Variants in PDE3A observed in about 807,000 individuals in gnomAD.
PDE3A encodes phosphodiesterase 3A.
PDE3A carries 43 observed loss-of-function variants against 98.3 expected under a neutral mutation model. That is an observed-to-expected ratio of 0.44 (90% CI 0.34 to 0.56). The LOEUF (loss-of-function observed/expected upper bound fraction) is 0.56. Among genes scored for constraint, PDE3A ranks in the 20% least tolerant of loss-of-function variants. The probability of loss-of-function intolerance (pLI) is 0.01; values close to 1 mark genes in which losing one functional copy is unlikely to be tolerated. For missense variants in PDE3A, 1,427 were observed against 1,440.7 expected (o/e 0.99, Z 0.15); for synonymous variants, 663 against 567.9 (o/e 1.17, Z -2.38).
At chr12:20,586,797 T>TA (rs1040027819) in intron 2 of PDE3A, among the ~76,000 whole-genome samples, 19 of 152,362 alleles carry the variant, frequency 1.2e-4, no homozygotes, top group Admixed American at 3.3e-4. Context: ...GCTTAGTACT[T>TA]ACTACTTAGC....
At chr12:20,612,720 A>T (rs1348639431) in intron 2 of PDE3A, among the ~76,000 whole-genome samples, 1 of 7,774 alleles carries the variant, frequency 1.3e-4, no homozygotes, top group Non-Finnish European at 2.9e-4. Context: ...TATAAGTAAT[A>T]AACTATATGT....
chr12:20,533,466 C>A (rs995186153), intron 1 of PDE3A, among the ~76,000 whole-genome samples: 1 of 142,832 alleles, frequency 7.0e-6, no homozygotes, highest in East Asian at 2.0e-4. Context: ...CTGTGATACC[C>A]AGTTTCTTTT....
chr12:20,561,211 T>C (rs759368045), intron 2 of PDE3A, among the ~76,000 whole-genome samples: 53 of 152,018 alleles, frequency 3.5e-4, no homozygotes, highest in Admixed American at 9.2e-4. Flanking sequence ...TGAGCCAAGA[T>C]TGCGCCGCTG....
chr12:20,552,453 A>G lies in PDE3A; in HGVS notation c.961-4207A>G, dbSNP rs1592049739. ...AGCTGGGGCTGACCATGCAGTATCC[A>G]GAAGGCTACCTGGAAGCCCTGGCCA... On this transcript the variant is annotated intron_variant, in intron 1 of 15. Coordinates refer to ENST00000359062, the MANE Select transcript of PDE3A (RefSeq NM_000921.5). The surrounding 1 kb of genome is among the most constrained non-coding windows in gnomAD (Gnocchi z 5.1). 1.2e-6 allele frequency: 2 copies of G among 1,612,870 alleles called. No individual in the cohort carries two copies. The highest frequency in any genetic ancestry group is 1.7e-6 in the Non-Finnish European group (2 of 1,179,780).
At chr12:20,631,700 ATT>A (rs58133440) in intron 6 of PDE3A, among the ~76,000 whole-genome samples, 8 of 116,878 alleles carry the variant, frequency 6.8e-5, no homozygotes, top group African/African-American at 1.8e-4. Flanking sequence ...ATCATAGTGT[ATT>A]TTTTTTTTTT....
intron 1 of PDE3A, among the ~76,000 whole-genome samples, chr12:20,480,901 T>A (rs1008059286): frequency 2.0e-5 from 3 of 152,226 alleles, no homozygotes; most frequent in African/African-American, 7.2e-5. Flanking sequence ...GGAGAAATTG[T>A]CTTCATTGAC....
intron 1 of PDE3A, among the ~76,000 whole-genome samples, chr12:20,518,841 T>A (rs1946369911): frequency 6.6e-6 from 1 of 152,196 alleles, no homozygotes; most frequent in Non-Finnish European, 1.5e-5. Flanking sequence ...ACTGATGGAT[T>A]TTTTTATAGC....
At chr12:20,472,801 A>G (rs1340295237) in intron 1 of PDE3A, among the ~76,000 whole-genome samples, 1 of 152,202 alleles carries the variant, frequency 6.6e-6, no homozygotes, top group Non-Finnish European at 1.5e-5. Context: ...AAATGTTGGA[A>G]AAGTAAACAG....
At chr12:20,408,201 G>A (rs1184033516) in intron 1 of PDE3A, among the ~76,000 whole-genome samples, 2 of 152,146 alleles carry the variant, frequency 1.3e-5, no homozygotes, top group East Asian at 3.8e-4. Flanking sequence ...TTACAGGCGT[G>A]AGCCACCATG....
At chr12:20,529,105 G>A (rs1946577544) in intron 1 of PDE3A, among the ~76,000 whole-genome samples, 1 of 152,070 alleles carries the variant, frequency 6.6e-6, no homozygotes, top group Non-Finnish European at 1.5e-5. Context: ...TTATCTAATT[G>A]AGGAGTCCCA....
chr12:20,384,558 A>G (rs1943716439), intron 1 of PDE3A, among the ~76,000 whole-genome samples: 1 of 151,980 alleles, frequency 6.6e-6, no homozygotes, highest in Non-Finnish European at 1.5e-5. Flanking sequence ...TCCAGAATAC[A>G]TGTGCAGGAT....
chr12:20,423,953 G>A (rs1944564055), intron 1 of PDE3A, among the ~76,000 whole-genome samples: 1 of 152,168 alleles, frequency 6.6e-6, no homozygotes, highest in African/African-American at 2.4e-5. Flanking sequence ...AACCAAGTGA[G>A]CAATAACTAG....
At chr12:20,636,830 G>A (rs895756932) in intron 8 of PDE3A, among the ~76,000 whole-genome samples, 8 of 152,158 alleles carry the variant, frequency 5.3e-5, no homozygotes, top group Non-Finnish European at 8.8e-5. Context: ...AGAAACATCC[G>A]TGTTTTTGCT....
chr12:20,648,615 G>T, intron 12 of PDE3A, 73 bp from the exon 13 acceptor site: 1 of 933,514 alleles, frequency 1.1e-6, no homozygotes, highest in African/African-American at 1.6e-5. Flanking sequence ...AATTTCAAAA[G>T]CATTGCATAT....
At chr12:20,398,085 T>G (rs1426550445) in intron 1 of PDE3A, among the ~76,000 whole-genome samples, 2 of 150,422 alleles carry the variant, frequency 1.3e-5, no homozygotes, top group East Asian at 3.9e-4. Context: ...AATCACCATC[T>G]GATTCAGTCT....
Position 20,552,576 on chromosome 12 carries a change from G to T in PDE3A, c.961-4084G>T. 6.2e-7 allele frequency: 1 copy of T among 1,613,824 alleles called. No individual in the cohort carries two copies. Among genetic ancestry groups the T allele is most frequent in the South Asian group, 1.1e-5 (1 of 91,046 alleles). On this transcript the variant is annotated intron_variant, in intron 1 of 15. Transcript: ENST00000359062. The surrounding 1 kb of genome is among the most constrained non-coding windows in gnomAD (Gnocchi z 5.1). ...GGACGGGCAAGGGCAAGTGGAAGCG[G>T]AAGTCGGCAGGAGGTGGCCCGAGCA... is the stretch of plus-strand genomic sequence containing the variant.
rs1943423872 is a variant in PDE3A at position 20,369,664 on chromosome 12, G to A, written c.380G>A (p.Ser127Asn). The change falls in exon 1 of 16, where the codon AGC becomes AAC. Residue 127 changes from serine to asparagine, a missense_variant. Physicochemically the swap from Ser to Asn is conservative, Grantham distance 46. Around this residue, in one of 3 missense-constraint regions of PDE3A, gnomAD observed 1,012 missense variants for 886.5 expected, o/e 1.14. Coordinates refer to ENST00000359062, the MANE Select transcript of PDE3A (RefSeq NM_000921.5). ...GGAPGGGARLSPWLQPSALLF... is the reference protein window; with the variant it reads ...GGAPGGGARLNPWLQPSALLF... ...GCTCCCGGGGGCGGTGCGCGGCTCA[G>A]CCCCTGGCTGCAGCCCTCGGCGCTG... 1 of 1,605,996 alleles carries A rather than the reference G, an allele frequency of 6.2e-7. No individual in the cohort carries two copies. The highest frequency in any genetic ancestry group is 2.2e-5 in the East Asian group (1 of 44,590).
chr12:20,369,384 G>C lies in PDE3A; in HGVS notation c.100G>C (p.Asp34His). ...TAGRDCHHRA[D>H]PASPRDSGCR... is the part of the protein sequence containing the mutation. ...GGGCCGGGACTGCCACCATCGTGCG[G>C]ACCCCGCATCGCCGCGGGACTCGGG... Residue 34 changes from aspartate to histidine, a missense_variant, in exon 1 of 16, where the codon GAC (aspartate) becomes CAC (histidine). Asp to His is a moderately conservative substitution (Grantham distance 81, BLOSUM62 -1). Around this residue, in one of 3 missense-constraint regions of PDE3A, gnomAD observed 1,012 missense variants for 886.5 expected, o/e 1.14. Coordinates refer to ENST00000359062, the MANE Select transcript of PDE3A (RefSeq NM_000921.5). 1 of 1,550,556 alleles carries C rather than the reference G, an allele frequency of 6.4e-7. No individual in the cohort carries two copies. The highest frequency in any genetic ancestry group is 8.7e-7 in the Non-Finnish European group (1 of 1,147,638).
chr12:20,512,608 T>A (rs1946248043), intron 1 of PDE3A, among the ~76,000 whole-genome samples: 1 of 152,128 alleles, frequency 6.6e-6, no homozygotes, highest in South Asian at 2.1e-4. Flanking sequence ...TGCTTATTTT[T>A]AATTACACAA....
Sources: allele counts gnomAD v4.1 joint callset (sites outside exome capture counted in the v4.1 genomes callset), GRCh38; gene constraint gnomAD v4.1.1; regional missense constraint gnomAD v4.1.1; non-coding constraint Gnocchi (gnomAD v3.1); transcripts MANE v1.5; gene names NCBI Gene and HGNC (gene_info 2026-07-23, HGNC 2026-07-21).